SAMMSON: variants seen among roughly 807,000 people sequenced by gnomAD.
SAMMSON encodes long intergenic non-protein coding RNA 1212.
chr3:70,401,909 A>G (rs191409652), intron 2 of SAMMSON, among the ~76,000 whole-genome samples: 2 of 152,316 alleles, frequency 1.3e-5, no homozygotes, highest in African/African-American at 4.8e-5. Context: ...GTTTATTTTT[A>G]TAAACCTTTA....
At chr3:70,310,469 G>T (rs1043138673) in intron 7 of SAMMSON, among the ~76,000 whole-genome samples, 4 of 151,898 alleles carry the variant, frequency 2.6e-5, no homozygotes, top group Non-Finnish European at 5.9e-5. Flanking sequence ...CAGTTCAAGC[G>T]ATTATCCTGC....
rs150518819 is a variant in SAMMSON, at chr3:70,029,293, C to A, written n.417+15621C>A. ...TGGATGTCATATCAAATTTTAAAGT[C>A]TTTTAAACATACCATTATGCCTAAT... On this transcript the variant is annotated intron_variant and non_coding_transcript_variant, in intron 3 of 9. Coordinates refer to ENST00000642114, the Ensembl canonical transcript of SAMMSON. Among the ~76,000 whole-genome samples the A allele has an allele frequency of 2.6e-5, 4 of 152,166 alleles. No individual in the cohort carries two copies. In the East Asian group the frequency reaches 5.8e-4, roughly 22 times the overall value.
chr3:70,345,744 T>C (rs962859359), intron 7 of SAMMSON, among the ~76,000 whole-genome samples: 1 of 135,296 alleles, frequency 7.4e-6, no homozygotes. Context: ...TCATATAGTA[T>C]GTAGCCTTTT....
chr3:70,057,479 G>T (rs1024819010), intron 3 of SAMMSON, among the ~76,000 whole-genome samples: 2 of 151,950 alleles, frequency 1.3e-5, no homozygotes, highest in African/African-American at 4.8e-5. Flanking sequence ...CTTGTTTGAG[G>T]ACATTTAGTT....
intron 4 of SAMMSON, among the ~76,000 whole-genome samples, chr3:70,075,982 G>C (rs1205028164): frequency 1.3e-5 from 2 of 150,408 alleles, no homozygotes; most frequent in African/African-American, 4.9e-5. Context: ...GCTTTCTGCT[G>C]TTAAGTAGAA....
intron 2 of SAMMSON, among the ~76,000 whole-genome samples, chr3:70,407,999 C>T (rs555591967): frequency 1.3e-5 from 2 of 152,352 alleles, no homozygotes; most frequent in South Asian, 2.1e-4. Flanking sequence ...TCTGTGAACT[C>T]GCAGGCTCAC....
At chr3:70,402,949 T>C (rs1172141388) in intron 2 of SAMMSON, among the ~76,000 whole-genome samples, 9 of 152,024 alleles carry the variant, frequency 5.9e-5, no homozygotes, top group African/African-American at 2.2e-4. Flanking sequence ...ATTATATATA[T>C]ATCATGTGTA....
At chr3:70,359,160 T>C (rs1231956618) in intron 9 of SAMMSON, among the ~76,000 whole-genome samples, 1 of 152,160 alleles carries the variant, frequency 6.6e-6, no homozygotes, top group Admixed American at 6.6e-5. Flanking sequence ...CTTGCTTGAC[T>C]GCCCTCTGCT....
intron 7 of SAMMSON, among the ~76,000 whole-genome samples, chr3:70,351,783 T>G (rs1420671503): frequency 6.6e-6 from 1 of 152,048 alleles, no homozygotes; most frequent in East Asian, 1.9e-4. Flanking sequence ...ACAAAAACTT[T>G]TAGGCAATAA....
intron 4 of SAMMSON, among the ~76,000 whole-genome samples, chr3:70,086,384 T>C (rs887553975): frequency 6.6e-6 from 1 of 152,238 alleles, no homozygotes; most frequent in African/African-American, 2.4e-5. Flanking sequence ...AGGGATCTAT[T>C]ACGTAGTAAT....
At chr3:70,072,515 A>AG in intron 4 of SAMMSON, 1 of 151,964 alleles carries the variant, frequency 6.6e-6, no homozygotes, top group Admixed American at 6.6e-5. Flanking sequence ...TTTAACACAA[A>AG]GAAAAAAAAA....
At chr3:70,410,317 T>C (rs941890091) in intron 2 of SAMMSON, among the ~76,000 whole-genome samples, 1 of 152,236 alleles carries the variant, frequency 6.6e-6, no homozygotes, top group African/African-American at 2.4e-5. Flanking sequence ...AGATGACACC[T>C]TGATTCTGGT....
At chr3:70,182,615 A>G (rs1701062505) in intron 4 of SAMMSON, among the ~76,000 whole-genome samples, 1 of 152,072 alleles carries the variant, frequency 6.6e-6, no homozygotes. Context: ...AATCTCAATG[A>G]TTTCACGGGC....
At chr3:70,358,257 G>A (rs1053065900) in exon 9 of SAMMSON, 16 of 152,076 alleles carry the variant, frequency 1.1e-4, no homozygotes, top group African/African-American at 3.4e-4. Flanking sequence ...TCTGTAGGTT[G>A]GGAACATGAC....
At chr3:70,308,222 A>AT (rs1281696979) in intron 7 of SAMMSON, among the ~76,000 whole-genome samples, 14 of 146,360 alleles carry the variant, frequency 9.6e-5, no homozygotes, top group Admixed American at 2.1e-4. Flanking sequence ...AGCTAATTTT[A>AT]TTTTTTTGTT....
intron 4 of SAMMSON, among the ~76,000 whole-genome samples, chr3:70,196,577 A>C (rs1000170954): frequency 6.6e-6 from 1 of 152,222 alleles, no homozygotes; most frequent in Non-Finnish European, 1.5e-5. Flanking sequence ...TTTGTGAATG[A>C]GGTTGAATCC....
chr3:70,430,467 T>C (rs1322411443), intron 2 of SAMMSON, among the ~76,000 whole-genome samples: 1 of 152,036 alleles, frequency 6.6e-6, no homozygotes, highest in East Asian at 1.9e-4. Flanking sequence ...ATCAATCTAG[T>C]AGAAGGAGTA....
chr3:70,030,323 A>T (rs987939677), intron 3 of SAMMSON: 4 of 152,144 alleles, frequency 2.6e-5, no homozygotes, highest in Non-Finnish European at 4.4e-5. Flanking sequence ...TTCTTTGTCA[A>T]TTTTCTTTAA....
intron 3 of SAMMSON, among the ~76,000 whole-genome samples, chr3:70,047,598 T>C (rs2067131734): frequency 6.6e-6 from 1 of 152,116 alleles, no homozygotes; most frequent in Non-Finnish European, 1.5e-5. Context: ...CCTCTCAAAG[T>C]GCCGGGATTA....
Sources: gnomAD v4.1 joint callset for allele counts (sites outside exome capture counted in the v4.1 genomes callset) on GRCh38, gnomAD v4.1.1 for gene constraint, MANE v1.5 for transcripts, NCBI Gene and HGNC (gene_info 2026-07-23, HGNC 2026-07-21) for gene names.